Variants in MGST2 observed in about 807,000 individuals in gnomAD.
MGST2 encodes glutathione peroxidase MGST2.
In MGST2, 9 loss-of-function variants were observed where a neutral mutation model predicts 16.6. The observed-to-expected ratio is 0.54, with a 90% CI of 0.33 to 0.95. The LOEUF is 0.95. Among genes scored for constraint, MGST2 ranks in the 40% least tolerant of loss-of-function variants. MGST2 has a pLI of 0.03. For synonymous variants in MGST2, 79 were observed against 68.0 expected, an observed-to-expected ratio of 1.16 and a Z score of -0.79; for missense variants, 159 against 175.1, an observed-to-expected ratio of 0.91 and a Z score of 0.52.
intron 2 of MGST2, among the ~76,000 whole-genome samples, chr4:139,693,199 C>T (rs2646050): frequency 0.16 from 24,088 of 151,890 alleles, 2,001 homozygotes; most frequent in South Asian, 0.2. Context: ...GGGCGGATCA[C>T]GAGGTCAGGA....
chr4:139,707,307 T>C (rs1196606486), downstream of MGST2, among the ~76,000 whole-genome samples: 1 of 151,966 alleles, frequency 6.6e-6, no homozygotes, highest in Non-Finnish European at 1.5e-5. Flanking sequence ...AGGTGTTTGG[T>C]TTTTTGTCCT....
chr4:139,677,911 G>T (rs1273219380), intron 1 of MGST2, among the ~76,000 whole-genome samples: 1 of 152,194 alleles, frequency 6.6e-6, no homozygotes, highest in Non-Finnish European at 1.5e-5. Context: ...ATTGTGCTTT[G>T]TAGCTATCTT....
the MGST2 span, among the ~76,000 whole-genome samples, chr4:139,746,950 A>G: frequency 6.6e-6 from 1 of 152,242 alleles, no homozygotes; most frequent in East Asian, 1.9e-4. Flanking sequence ...TCGGGGGTTC[A>G]TCTTAAGAAA....
Position 139,665,893 on chromosome 4 carries a change from C to A in MGST2, c.-127C>A. On this transcript the variant is annotated 5_prime_UTR_variant, in exon 1 of 5. Coordinates refer to ENST00000265498, the MANE Select transcript of MGST2 (RefSeq NM_002413.5). ...TGTTCCAGAGCAAAGGTCATTCAGC[C>A]GCTTGAATCAGCCTTTTCCCCCCAC... 1.1e-6 allele frequency: 1 copy of A among 901,754 alleles called. No homozygotes were observed. The highest frequency in any genetic ancestry group is 1.8e-6 in the Non-Finnish European group (1 of 553,186). The allele number at this position is 901,754 out of a possible 1,614,324, so 55.9% of individuals were successfully genotyped here. A position where few individuals can be genotyped will look rare whatever the true frequency, so the allele number is the denominator to read the frequency against.
intron 1 of MGST2, among the ~76,000 whole-genome samples, chr4:139,672,530 C>G (rs191062879): frequency 1.3e-5 from 2 of 151,890 alleles, no homozygotes; most frequent in East Asian, 3.9e-4. Flanking sequence ...TCTGCTCTCT[C>G]AGGCTGCAGT....
At chr4:139,672,769 T>TCAAACTCCTGACCTCAAGTGATC (rs1354370140) in intron 1 of MGST2, among the ~76,000 whole-genome samples, 1 of 152,134 alleles carries the variant, frequency 6.6e-6, no homozygotes, top group Non-Finnish European at 1.5e-5. Context: ...CGGGCTTGTC[T>TCAAACTCCTGACCTCAAGTGATC]CAAACTCCTG....
intron 2 of MGST2, among the ~76,000 whole-genome samples, chr4:139,686,394 A>G (rs569509942): frequency 6.6e-6 from 1 of 152,328 alleles, no homozygotes; most frequent in East Asian, 1.9e-4. Flanking sequence ...GTTGCTGTGA[A>G]TGCTGAAGAG....
chr4:139,740,778 A>T (rs1729139633), downstream of MGST2: 2 of 152,306 alleles, frequency 1.3e-5, no homozygotes, highest in Non-Finnish European at 2.9e-5. Context: ...AGGGAAGCTG[A>T]GTGCTCAGGG....
intron 5 of MGST2, among the ~76,000 whole-genome samples, chr4:139,709,551 A>G (rs916160904): frequency 6.6e-6 from 1 of 152,206 alleles, no homozygotes; most frequent in African/African-American, 2.4e-5. Context: ...GTACTTTAAA[A>G]TGGTTCTGCG....
chr4:139,702,315 G>A (rs1049618311), intron 3 of MGST2, among the ~76,000 whole-genome samples: 1 of 152,050 alleles, frequency 6.6e-6, no homozygotes, highest in Non-Finnish European at 1.5e-5. Flanking sequence ...CACCCAGAAA[G>A]TGTCCTCCTG....
the MGST2 span, among the ~76,000 whole-genome samples, chr4:139,752,362 T>C: frequency 6.6e-6 from 1 of 152,224 alleles, no homozygotes; most frequent in Non-Finnish European, 1.5e-5. Flanking sequence ...GGCCTGGGAC[T>C]AGGCTCCTAT....
intron 2 of MGST2, among the ~76,000 whole-genome samples, chr4:139,692,066 C>CTT (rs1391676925): frequency 6.6e-6 from 1 of 152,102 alleles, no homozygotes; most frequent in African/African-American, 2.4e-5. Flanking sequence ...GGGACTAAGG[C>CTT]TTGAGGCAGG....
intron 1 of MGST2, among the ~76,000 whole-genome samples, chr4:139,676,919 C>T (rs979245811): frequency 7.2e-5 from 11 of 152,150 alleles, no homozygotes; most frequent in African/African-American, 2.7e-4. Context: ...CAAGGCCTTC[C>T]CTTGTCCAGA....
chr4:139,739,294 C>T (rs1416236148), intron 5 of MGST2, among the ~76,000 whole-genome samples: 1 of 152,182 alleles, frequency 6.6e-6, no homozygotes, highest in East Asian at 1.9e-4. Flanking sequence ...ATGCCACCAG[C>T]CACAGGAAGG....
chr4:139,722,114 A>C (rs1220985860), intron 5 of MGST2, among the ~76,000 whole-genome samples: 2 of 152,188 alleles, frequency 1.3e-5, no homozygotes, highest in Admixed American at 6.5e-5. Context: ...AAAGGACTAG[A>C]TACTGTCTGG....
chr4:139,710,130 A>G (rs1406497046), intron 5 of MGST2, among the ~76,000 whole-genome samples: 1 of 152,208 alleles, frequency 6.6e-6, no homozygotes, highest in Non-Finnish European at 1.5e-5. Flanking sequence ...TATGGCCAAA[A>G]AAGTCATTAA....
intron 1 of MGST2, among the ~76,000 whole-genome samples, chr4:139,669,863 C>G (rs8192019): frequency 5.1e-4 from 78 of 152,296 alleles, no homozygotes; most frequent in African/African-American, 1.8e-3. Context: ...GGAATGCAGA[C>G]AATTCTTTTG....
At chr4:139,667,939 G>A (rs776269401) in intron 1 of MGST2, among the ~76,000 whole-genome samples, 17 of 152,290 alleles carry the variant, frequency 1.1e-4, no homozygotes, top group Middle Eastern at 6.8e-3. Flanking sequence ...CATGAGGGAC[G>A]AGTGGCCGGT....
intron 5 of MGST2, among the ~76,000 whole-genome samples, chr4:139,738,597 A>T (rs1729040385): frequency 6.6e-6 from 1 of 152,182 alleles, no homozygotes; most frequent in Admixed American, 6.5e-5. Context: ...CTAAATGCTT[A>T]ATTGATAGGG....
Sources: allele counts gnomAD v4.1 joint callset (sites outside exome capture counted in the v4.1 genomes callset), GRCh38; gene constraint gnomAD v4.1.1; transcripts MANE v1.5; gene names NCBI Gene and HGNC (gene_info 2026-07-23, HGNC 2026-07-21).